SCML2: variants seen among roughly 807,000 people sequenced by gnomAD.
The protein encoded by SCML2 is Scm polycomb group protein like 2.
SCML2 carries 6 observed loss-of-function variants against 48.4 expected under a neutral mutation model. The ratio of observed to expected loss-of-function variants is 0.12; its 90% CI spans 0.07 to 0.24. SCML2 has a LOEUF of 0.24. Among genes scored for constraint, SCML2 ranks in the 10% least tolerant of loss-of-function variants. The pLI is 1.00. For missense variants in SCML2, 377 were observed against 528.2 expected (o/e 0.71, Z 2.81); for synonymous variants, 181 against 189.5 (o/e 0.95, Z 0.37).
chrX:18,311,143 A>C (rs932223492), intron 6 of SCML2, among the ~76,000 whole-genome samples: 2 of 112,004 alleles, frequency 1.8e-5, no homozygotes, highest in African/African-American at 6.5e-5. Flanking sequence ...TAATACATGA[A>C]CTTCTATCTC....
intron 3 of SCML2, 36 bp downstream of exon 3, chrX:18,330,551 G>GA: frequency 2.3e-6 from 2 of 887,955 alleles, no homozygotes; most frequent in Non-Finnish European, 3.1e-6. Context: ...TAGTGAGGAA[G>GA]AAAACTATGC....
intron 7 of SCML2, among the ~76,000 whole-genome samples, chrX:18,285,165 T>G (rs1253382308): frequency 9.0e-6 from 1 of 110,752 alleles, no homozygotes; most frequent in Non-Finnish European, 1.9e-5. Context: ...CTCAAAGAAC[T>G]CAGAACTACC....
intron 7 of SCML2, among the ~76,000 whole-genome samples, 187 bp downstream of exon 7, chrX:18,304,785 A>G (rs757472772): frequency 8.1e-5 from 9 of 111,248 alleles, no homozygotes; most frequent in Non-Finnish European, 1.1e-4. Flanking sequence ...TGCTGCAGTG[A>G]CCTCAAGAAT....
rs1225770928 is a variant in SCML2 at position 18,240,380 on chromosome X, C to A, written c.*871G>T. ...AATAAACACATACAATATATATCTT[C>A]AAAAATTTTGGACACAGGTATCTTC... On this transcript the variant is annotated 3_prime_UTR_variant, in exon 15 of 15. Coordinates refer to ENST00000251900, the MANE Select transcript of SCML2 (RefSeq NM_006089.3). The A allele has an allele frequency of 8.9e-6, 1 of 111,918 alleles. No homozygotes were observed. The highest frequency in any genetic ancestry group is 1.9e-5 in the Non-Finnish European group (1 of 53,141). The allele number at this position is 111,918 out of a possible 1,213,427, so 9.2% of individuals were successfully genotyped here.
chrX:18,261,882 C>T (rs2084622132), intron 8 of SCML2, among the ~76,000 whole-genome samples: 1 of 109,681 alleles, frequency 9.1e-6, no homozygotes. Flanking sequence ...TAAAAAATTT[C>T]ATCTGCTACC....
intron 7 of SCML2, among the ~76,000 whole-genome samples, chrX:18,271,115 C>G (rs1602093746): frequency 9.0e-6 from 1 of 110,992 alleles, no homozygotes; most frequent in East Asian, 2.8e-4. Flanking sequence ...GTCTGGAAGC[C>G]TGGAATGAGG....
chrX:18,314,080 T>C (rs1929042496), intron 6 of SCML2, among the ~76,000 whole-genome samples: 1 of 112,175 alleles, frequency 8.9e-6, no homozygotes, highest in Admixed American at 9.5e-5. Context: ...AGGACACTTT[T>C]CACCTGGACT....
At chrX:18,276,479 T>TATTGACATACATACATACGTATACATAC (rs1481383387) in intron 7 of SCML2, among the ~76,000 whole-genome samples, 9 of 111,251 alleles carry the variant, frequency 8.1e-5, no homozygotes, top group Non-Finnish European at 1.5e-4. Context: ...TGTATGTATG[T>TATTGACATACATACATACGTATACATAC]ATTGACATAC....
chrX:18,332,309 G>T (rs1243258548), intron 2 of SCML2, among the ~76,000 whole-genome samples: 1 of 112,090 alleles, frequency 8.9e-6, no homozygotes, highest in Non-Finnish European at 1.9e-5. Context: ...TATTTGTTTT[G>T]CTTTTTATTA....
chrX:18,311,440 G>A (rs1928945462), intron 6 of SCML2, among the ~76,000 whole-genome samples: 1 of 111,987 alleles, frequency 8.9e-6, no homozygotes, highest in Non-Finnish European at 1.9e-5. Flanking sequence ...GAAAAATCCA[G>A]AGAGAAATGT....
chrX:18,273,734 T>C (rs934894841), intron 7 of SCML2, among the ~76,000 whole-genome samples: 18 of 111,686 alleles, frequency 1.6e-4, no homozygotes, highest in African/African-American at 5.5e-4. Flanking sequence ...ATCTCTGTTT[T>C]ACTGCTCAAA....
chrX:18,330,758 T>G (rs1929629638), intron 2 of SCML2, 103 bp from the exon 3 acceptor site: 1 of 431,937 alleles, frequency 2.3e-6, no homozygotes, highest in African/African-American at 2.5e-5. Context: ...AATTTTAGTT[T>G]TATAATATCT....
chrX:18,341,126 A>C (rs1219067139), intron 1 of SCML2: 1 of 197,390 alleles, frequency 5.1e-6, no homozygotes, highest in African/African-American at 3.0e-5. Flanking sequence ...TGCCATGGTG[A>C]GAGGCACTGG....
chrX:18,246,694 C>T lies in SCML2; in HGVS notation c.1705G>A (p.Val569Ile). Residue 569 changes from valine (V) to isoleucine (I), a missense_variant, in exon 13 of 15, where the codon GTC (valine) becomes ATC (isoleucine). By Grantham distance (29) the Val-to-Ile change is conservative. Coordinates refer to ENST00000251900, the MANE Select transcript of SCML2 (RefSeq NM_006089.3). ...CRNPMYIHTS[V>I]SQDFSRSVPG... The stretch of plus-strand genomic sequence containing the variant: ...ACACTTCGAGAAAAATCCTGGGAGA[C>T]TGAAGTATGAATATACATAGGATTT... 1 of 1,210,562 alleles carries T rather than the reference C, an allele frequency of 8.3e-7. No homozygotes were observed. The highest frequency in any genetic ancestry group is 1.1e-6 in the Non-Finnish European group (1 of 894,725).
At chrX:18,303,978 ATATACT>A (rs1225080954) in intron 7 of SCML2, among the ~76,000 whole-genome samples, 4 of 112,611 alleles carry the variant, frequency 3.6e-5, no homozygotes, top group Non-Finnish European at 7.5e-5. Context: ...ATAAAAATAA[ATATACT>A]TAGTAGCGTT....
At chrX:18,312,028 G>C (rs1416438034) in intron 6 of SCML2, among the ~76,000 whole-genome samples, 5 of 111,900 alleles carry the variant, frequency 4.5e-5, no homozygotes, top group African/African-American at 1.3e-4. Flanking sequence ...CTGACCTCAA[G>C]TGATCCACCC....
intron 13 of SCML2, among the ~76,000 whole-genome samples, chrX:18,243,635 T>G (rs2147458229): frequency 8.9e-6 from 1 of 112,141 alleles, no homozygotes; most frequent in East Asian, 2.8e-4. Flanking sequence ...TTATCATGTT[T>G]AATTGCATAG....
At chrX:18,342,347 C>A (rs1243535325) in intron 1 of SCML2, among the ~76,000 whole-genome samples, 2 of 108,554 alleles carry the variant, frequency 1.8e-5, no homozygotes, top group African/African-American at 6.7e-5. Flanking sequence ...TGTAAGTAAG[C>A]CTTAAAAAAA....
intron 8 of SCML2, among the ~76,000 whole-genome samples, chrX:18,262,069 G>A (rs1325073496): frequency 1.9e-5 from 2 of 107,970 alleles, no homozygotes; most frequent in African/African-American, 7.1e-5. Flanking sequence ...GCAAACATAA[G>A]TTGAAACAAA....
Sources: allele counts gnomAD v4.1 joint callset (sites outside exome capture counted in the v4.1 genomes callset), GRCh38; gene constraint gnomAD v4.1.1; transcripts MANE v1.5; gene names NCBI Gene and HGNC (gene_info 2026-07-23, HGNC 2026-07-21).